The following GRXCR2 variants were observed in gnomAD, a reference collection of about 807,000 sequenced individuals.
GRXCR2 encodes glutaredoxin and cysteine rich domain containing 2.
In GRXCR2, 23 loss-of-function variants were observed where a neutral mutation model predicts 24.8. That is an observed-to-expected ratio of 0.93 (90% CI 0.67 to 1.32). The LOEUF (loss-of-function observed/expected upper bound fraction) is 1.32, where lower values mean the gene tolerates loss of function less well. Among genes scored for constraint, GRXCR2 ranks in the 40% most tolerant of loss-of-function variants. The pLI, the probability that GRXCR2 is intolerant of heterozygous loss-of-function variation, is 0.00. For missense variants in GRXCR2, 315 were observed against 303.4 expected, an observed-to-expected ratio of 1.04 and a Z score of -0.28; for synonymous variants, 130 against 116.1, an observed-to-expected ratio of 1.12 and a Z score of -0.77.
At chr5:145,927,661 G>A (rs568695761) in intron 2 of GRXCR2, among the ~76,000 whole-genome samples, 2 of 152,248 alleles carry the variant, frequency 1.3e-5, no homozygotes, top group East Asian at 1.9e-4. Flanking sequence ...TTGCATTGAT[G>A]TTCATCAGGG....
rs772166824 is a variant in GRXCR2 at position 145,872,781 on chromosome 5, C to T, written c.188G>A (p.Gly63Asp). The T allele has an allele frequency of 6.2e-7, 1 of 1,614,180 alleles. No individual in the cohort carries two copies. Among genetic ancestry groups the T allele is most frequent in the Non-Finnish European group, 8.5e-7 (1 of 1,180,018 alleles). ...FLQESLETMD[G>D]VYGSGEVPRP... ...GGGGACTTCCCCAGACCCATAAACACCATCCATTGTTTCAAGAGACTCTTG... is the reference window on the plus strand; with the variant it reads ...GGGGACTTCCCCAGACCCATAAACATCATCCATTGTTTCAAGAGACTCTTG... The change falls in exon 1 of 3, where the codon GGT becomes GAT. Residue 63 changes from glycine to aspartate, a missense_variant. Transcript: ENST00000377976.
chr5:145,860,019 G>A (rs2149907415), intron 2 of GRXCR2, 104 bp from the exon 3 acceptor site: 2 of 897,288 alleles, frequency 2.2e-6, no homozygotes, highest in Admixed American at 3.3e-5. Flanking sequence ...GGGCAGAATA[G>A]AGGAAAATGC....
At chr5:145,930,311 C>T (rs1290738927) in intron 2 of GRXCR2, among the ~76,000 whole-genome samples, 1 of 152,112 alleles carries the variant, frequency 6.6e-6, no homozygotes, top group East Asian at 1.9e-4. Context: ...TCTCAAACTC[C>T]CGGCCTCAAG....
intron 2 of GRXCR2, among the ~76,000 whole-genome samples, chr5:145,863,612 G>A (rs1756377069): frequency 6.6e-6 from 1 of 152,168 alleles, no homozygotes; most frequent in African/African-American, 2.4e-5. Context: ...TGGGAAGGTA[G>A]CGCTTTGGAT....
chr5:145,882,073 G>A (rs1186175973), intron 2 of GRXCR2, among the ~76,000 whole-genome samples: 4 of 152,138 alleles, frequency 2.6e-5, no homozygotes, highest in Non-Finnish European at 5.9e-5. Flanking sequence ...ACCCCTAGAA[G>A]AAAACCCAGG....
At chr5:145,909,108 AT>A (rs1757128359) in intron 2 of GRXCR2, among the ~76,000 whole-genome samples, 1 of 152,238 alleles carries the variant, frequency 6.6e-6, no homozygotes, top group Non-Finnish European at 1.5e-5. Context: ...TATCAAAAAA[AT>A]AAATGAGCTA....
At chr5:145,919,749 C>T (rs1161399604) in intron 2 of GRXCR2, among the ~76,000 whole-genome samples, 2 of 152,078 alleles carry the variant, frequency 1.3e-5, no homozygotes, top group South Asian at 2.1e-4. Context: ...GTGATTTCCT[C>T]AGGGGGAAGA....
intron 2 of GRXCR2, among the ~76,000 whole-genome samples, chr5:145,882,369 C>T (rs867214492): frequency 6.6e-6 from 1 of 152,258 alleles, no homozygotes; most frequent in East Asian, 1.9e-4. Flanking sequence ...AGGATATGAA[C>T]AGACACTTCT....
intron 2 of GRXCR2, among the ~76,000 whole-genome samples, chr5:145,892,047 C>T (rs1756873284): frequency 1.3e-5 from 2 of 152,178 alleles, no homozygotes; most frequent in African/African-American, 4.8e-5. Flanking sequence ...CTCCAGCAAA[C>T]TCCAACAGAC....
chr5:145,906,916 T>C (rs909317298), intron 2 of GRXCR2, among the ~76,000 whole-genome samples: 3 of 142,336 alleles, frequency 2.1e-5, no homozygotes, highest in Non-Finnish European at 4.5e-5. Flanking sequence ...TGCAATTTTA[T>C]ATAAAGTTAT....
At chr5:145,883,057 G>A (rs955961249) in intron 2 of GRXCR2, among the ~76,000 whole-genome samples, 4 of 151,548 alleles carry the variant, frequency 2.6e-5, no homozygotes, top group Admixed American at 2.0e-4. Context: ...AGCATTAGGA[G>A]AGATACCTAG....
At chr5:145,875,183 T>A (rs1756593838), upstream of GRXCR2, among the ~76,000 whole-genome samples, 1 of 152,342 alleles carries the variant, frequency 6.6e-6, no homozygotes, top group East Asian at 1.9e-4. Flanking sequence ...AATTGTTAAA[T>A]GAATGACTTC....
At chr5:145,858,289 G>A (rs1289193058), downstream of GRXCR2, among the ~76,000 whole-genome samples, 1 of 132,868 alleles carries the variant, frequency 7.5e-6, no homozygotes, top group Non-Finnish European at 1.5e-5. Context: ...ACTCCAGCCT[G>A]AGCAACAGAG....
At chr5:145,899,778 A>G (rs944385809) in intron 2 of GRXCR2, among the ~76,000 whole-genome samples, 4 of 152,130 alleles carry the variant, frequency 2.6e-5, no homozygotes, top group Non-Finnish European at 4.4e-5. Flanking sequence ...GAAGACTTAA[A>G]TGTAAAACCT....
intron 2 of GRXCR2, among the ~76,000 whole-genome samples, chr5:145,894,140 G>A (rs544510567): frequency 4.3e-4 from 65 of 151,786 alleles, no homozygotes; most frequent in African/African-American, 1.5e-3. Flanking sequence ...AGCAGTGTGT[G>A]GAGGGAAATT....
At chr5:145,878,678 A>G (rs1756655145) in intron 2 of GRXCR2, among the ~76,000 whole-genome samples, 1 of 152,220 alleles carries the variant, frequency 6.6e-6, no homozygotes, top group Non-Finnish European at 1.5e-5. Flanking sequence ...CAACATTCAA[A>G]TTCAGGAAAT....
At chr5:145,919,556 G>A (rs1468398844) in intron 2 of GRXCR2, among the ~76,000 whole-genome samples, 2 of 152,160 alleles carry the variant, frequency 1.3e-5, no homozygotes, top group African/African-American at 2.4e-5. Context: ...TATTTCTCGC[G>A]AATCAATTGC....
intron 2 of GRXCR2, among the ~76,000 whole-genome samples, chr5:145,907,629 C>T (rs993530312): frequency 2.0e-5 from 3 of 152,008 alleles, no homozygotes; most frequent in East Asian, 1.9e-4. Context: ...GGTGGTGACT[C>T]GGCCTGTGGT....
intron 2 of GRXCR2, among the ~76,000 whole-genome samples, chr5:145,895,530 T>A (rs61251670): frequency 0.02 from 3,096 of 152,100 alleles, 101 homozygotes; most frequent in African/African-American, 0.071. Context: ...TCCCATTTAC[T>A]ATTGCTTCAA....
Sources: allele counts gnomAD v4.1 joint callset (sites outside exome capture counted in the v4.1 genomes callset), GRCh38; gene constraint gnomAD v4.1.1; transcripts MANE v1.5; gene names NCBI Gene and HGNC (gene_info 2026-07-23, HGNC 2026-07-21).